The following SLC7A6 variants were observed in gnomAD, a reference collection of about 807,000 sequenced individuals.
SLC7A6 encodes Y+L amino acid transporter 2.
In SLC7A6, 29 loss-of-function variants were observed where a neutral mutation model predicts 46.6. The observed-to-expected ratio is 0.62, with a 90% CI of 0.46 to 0.85. The LOEUF (loss-of-function observed/expected upper bound fraction) is 0.85. SLC7A6 is among the 40% of genes least tolerant of loss of function. SLC7A6 has a pLI of 0.00. For missense variants in SLC7A6, 527 were observed against 647.6 expected (o/e 0.81, Z 2.02); for synonymous variants, 276 against 257.3 (o/e 1.07, Z -0.70).
At chr16:68,288,015 CT>C in intron 4 of SLC7A6, 144 bp downstream of exon 4, 3 of 1,279,082 alleles carry the variant, frequency 2.3e-6, no homozygotes, top group Non-Finnish European at 3.1e-6. Flanking sequence ...GAGTAGATTT[CT>C]TTCTGGGCTT....
At position 68,282,953 on chromosome 16, in the gene SLC7A6, G is replaced by A. The variant is rs969618443; in HGVS notation, c.524-4793G>A. On this transcript the variant is annotated intron_variant, in intron 3 of 10. Transcript: ENST00000219343. Reference sequence around the variant, plus strand: ...ATTTTTGTTGTTATTTTTTGTTTACGGTTGCACTCCTTTGTCCTTGAATGC... The same window carrying A: ...ATTTTTGTTGTTATTTTTTGTTTACAGTTGCACTCCTTTGTCCTTGAATGC... Among the ~76,000 whole-genome samples the A allele has an allele frequency of 2.0e-5, 3 of 152,130 alleles. No homozygotes were observed. The East Asian group carries it at 5.8e-4, about 29-fold the overall frequency.
intron 3 of SLC7A6, among the ~76,000 whole-genome samples, chr16:68,286,091 CA>C (rs1165671231): frequency 0.026 from 1,167 of 44,236 alleles, 9 homozygotes; most frequent in African/African-American, 0.08. Flanking sequence ...GACCCTGTCT[CA>C]AAAAAAAAAA....
intron 3 of SLC7A6, among the ~76,000 whole-genome samples, chr16:68,281,231 G>C (rs924037086): frequency 1.6e-4 from 25 of 152,204 alleles, no homozygotes; most frequent in Non-Finnish European, 2.9e-4. Flanking sequence ...GATCCAAGCA[G>C]CTTTTTGCAG....
rs2043229131 is a variant in SLC7A6 at position 68,299,363 on chromosome 16, G to GTACT, written c.*2037_*2040dup. 1 of 152,650 alleles carries GTACT rather than the reference G, an allele frequency of 6.6e-6. No individual in the cohort carries two copies. Among genetic ancestry groups the GTACT allele is most frequent in the African/African-American group, 2.4e-5 (1 of 41,448 alleles). 9.5% of individuals were successfully genotyped at this position (152,650 alleles called of 1,614,324 possible). A position where few individuals can be genotyped will look rare whatever the true frequency, so the allele number is the denominator to read the frequency against. On this transcript the variant is annotated 3_prime_UTR_variant, in exon 11 of 11. Transcript: ENST00000219343. ...AGGACCTCACATGCCAGGTGCCCTA[G>GTACT]TACTTGCTTAGTGAGCCATGTCATC...
chr16:68,274,877 G>T lies in SLC7A6; in HGVS notation c.151G>T (p.Val51Phe). The stretch of plus-strand genomic sequence containing the variant: ...GAAGGAGATCTCCCTGCTGAATGGG[G>T]TCAGCCTGGTGGTGGGCAACATGAT... Reference protein sequence around the residue: ...LKKEISLLNGVSLVVGNMIGS... With the variant: ...LKKEISLLNGFSLVVGNMIGS... The change falls in exon 3 of 11, where the codon GTC becomes TTC. Residue 51 changes from valine to phenylalanine, a missense_variant. Coordinates refer to ENST00000219343, the MANE Select transcript of SLC7A6 (RefSeq NM_003983.6). 6.2e-7 allele frequency: 1 copy of T among 1,614,206 alleles called. No homozygotes were observed. The highest frequency in any genetic ancestry group is 1.1e-5 in the South Asian group (1 of 91,080).
chr16:68,266,833 C>T (rs897699812), intron 2 of SLC7A6, 112 bp downstream of exon 2: 3 of 152,064 alleles, frequency 2.0e-5, no homozygotes, highest in Admixed American at 6.5e-5. Context: ...ACATAATTAA[C>T]AACTCTTTAG....
chr16:68,301,302 G>C lies in SLC7A6; in HGVS notation c.*3974G>C. On this transcript the variant is annotated 3_prime_UTR_variant, in exon 11 of 11. Coordinates refer to ENST00000219343, the MANE Select transcript of SLC7A6 (RefSeq NM_003983.6). The stretch of plus-strand genomic sequence containing the variant: ...AGTCTGAATCCAGGTCGTGGGGGCT[G>C]TCATAGCCGAACTCCTTCTGCACAT... 6.2e-7 allele frequency: 1 copy of C among 1,614,064 alleles called. No homozygotes were observed. Among genetic ancestry groups the C allele is most frequent in the Non-Finnish European group, 8.5e-7 (1 of 1,179,934 alleles).
rs2043256800 is a variant in SLC7A6 at position 68,300,805 on chromosome 16, G to A, written c.*3477G>A. The A allele has an allele frequency of 1.0e-6, 1 of 985,722 alleles. No individual in the cohort carries two copies. The highest frequency in any genetic ancestry group is 1.7e-5 in the African/African-American group (1 of 57,218). The allele number at this position is 985,722 out of a possible 1,614,324, so 61.1% of individuals were successfully genotyped here. A position where few individuals can be genotyped will look rare whatever the true frequency, so the allele number is the denominator to read the frequency against. Reference sequence around the variant, plus strand: ...CTGCCCTAATGGCCATTACTATCCAGTCTGTATTGCTACAAGGGACCCACT... The same window carrying A: ...CTGCCCTAATGGCCATTACTATCCAATCTGTATTGCTACAAGGGACCCACT... On this transcript the variant is annotated 3_prime_UTR_variant, in exon 11 of 11. Transcript: ENST00000219343.
intron 2 of SLC7A6, among the ~76,000 whole-genome samples, chr16:68,268,615 C>T (rs992126788): frequency 2.0e-5 from 3 of 152,072 alleles, no homozygotes; most frequent in Non-Finnish European, 4.4e-5. Context: ...TTGCTTGTGG[C>T]AGTTTCGTGG....
chr16:68,293,322 G>T (rs1364574222), intron 7 of SLC7A6, among the ~76,000 whole-genome samples: 2 of 152,210 alleles, frequency 1.3e-5, no homozygotes, highest in African/African-American at 4.8e-5. Flanking sequence ...CGCTCGGGAG[G>T]GTGAGGCAGG....
At chr16:68,290,338 C>A in intron 4 of SLC7A6, 58 bp from the exon 5 acceptor site, 1 of 1,590,924 alleles carries the variant, frequency 6.3e-7, no homozygotes, top group South Asian at 1.1e-5. Flanking sequence ...TCTCCTCTTC[C>A]TTTCTCCTTT....
rs1748923241 is a variant in SLC7A6 at position 68,296,956 on chromosome 16, C to T, written c.1453+146C>T. 13 of 869,066 alleles carry T rather than the reference C, an allele frequency of 1.5e-5. No individual in the cohort carries two copies. The South Asian group carries it at 2.1e-4, about 14-fold the overall frequency. The allele number at this position is 869,066 out of a possible 1,614,324, so 53.8% of individuals were successfully genotyped here. A position where few individuals can be genotyped will look rare whatever the true frequency, so the allele number is the denominator to read the frequency against. Reference sequence around the variant, plus strand: ...TCCACGACTTCCCTTTTGATTTTGACATGATCACTTTAGTTCTAATTTTAG... The same window carrying T: ...TCCACGACTTCCCTTTTGATTTTGATATGATCACTTTAGTTCTAATTTTAG... On this transcript the variant is annotated intron_variant, in intron 10 of 10. Coordinates refer to ENST00000219343, the MANE Select transcript of SLC7A6 (RefSeq NM_003983.6).
chr16:68,287,656 A>G (rs1008104616), intron 3 of SLC7A6, 90 bp from the exon 4 acceptor site: 29 of 1,553,838 alleles, frequency 1.9e-5, no homozygotes, highest in Non-Finnish European at 2.5e-5. Context: ...CTTAGGCAGG[A>G]AGGGCAGAAA....
At chr16:68,269,262 CTA>C (rs1345325824) in intron 2 of SLC7A6, among the ~76,000 whole-genome samples, 1 of 152,090 alleles carries the variant, frequency 6.6e-6, no homozygotes, top group Non-Finnish European at 1.5e-5. Context: ...CAATATGGTC[CTA>C]TTGATTACTT....
In SLC7A6 at chr16:68,275,596, C is replaced by CAA. The variant is rs10578259; in HGVS notation, c.523+367_523+368dup. Among the ~76,000 whole-genome samples the CAA allele has an allele frequency of 4.8e-3, 483 of 100,574 alleles. 3 individuals are homozygous for CAA. The highest frequency in any genetic ancestry group is 8.3e-3 in the South Asian group (24 of 2,892). The allele number at this position is 100,574 out of a possible 152,430, so 66.0% of individuals were successfully genotyped here. On this transcript the variant is annotated intron_variant, in intron 3 of 10. Transcript: ENST00000219343. ...GGCAACAAGAGCAAAACTCTGTCTC[C>CAA]AAAAAAAAAAAAAAAAAAAAAGATA...
At chr16:68,293,229 A>G (rs2043093285) in intron 7 of SLC7A6, among the ~76,000 whole-genome samples, 1 of 152,194 alleles carries the variant, frequency 6.6e-6, no homozygotes, top group Admixed American at 6.5e-5. Flanking sequence ...CAGCCTGACC[A>G]ATATGGTGAA....
intron 3 of SLC7A6, 113 bp from the exon 4 acceptor site, chr16:68,287,633 T>C: frequency 1.3e-6 from 2 of 1,540,140 alleles, no homozygotes; most frequent in African/African-American, 1.4e-5. Flanking sequence ...GACTGGTCCA[T>C]TGGCCCCTTT....
rs1458469833 is a variant in SLC7A6, at chr16:68,300,418, T to TTGA, written c.*3092_*3094dup. On this transcript the variant is annotated 3_prime_UTR_variant, in exon 11 of 11. Coordinates refer to ENST00000219343, the MANE Select transcript of SLC7A6 (RefSeq NM_003983.6). ...CAAGTTGTTAATAAAATTGATCCTG[T>TTGA]TGATAGTAGTTTGTTTTTGTGGTGG... is the stretch of plus-strand genomic sequence containing the variant. The TTGA allele has an allele frequency of 6.3e-6, 1 of 159,154 alleles. No homozygotes were observed. The highest frequency in any genetic ancestry group is 2.4e-5 in the African/African-American group (1 of 41,550). The allele number at this position is 159,154 out of a possible 1,614,324, so 9.9% of individuals were successfully genotyped here. A position where few individuals can be genotyped will look rare whatever the true frequency, so the allele number is the denominator to read the frequency against.
intron 1 of SLC7A6, among the ~76,000 whole-genome samples, chr16:68,265,344 T>C (rs886672439): frequency 6.6e-6 from 1 of 152,164 alleles, no homozygotes; most frequent in African/African-American, 2.4e-5. Flanking sequence ...TTTGCTGGGC[T>C]CTAAGCAAAC....
Sources: allele counts gnomAD v4.1 joint callset (sites outside exome capture counted in the v4.1 genomes callset), GRCh38; gene constraint gnomAD v4.1.1; transcripts MANE v1.5; gene names NCBI Gene and HGNC (gene_info 2026-07-23, HGNC 2026-07-21).